The following CACNA1C variants were observed in gnomAD, a reference collection of about 807,000 sequenced individuals.
CACNA1C encodes the protein voltage-dependent L-type calcium channel subunit alpha-1C.
In CACNA1C, 30 loss-of-function variants were observed where a neutral mutation model predicts 229.0. That is an observed-to-expected ratio of 0.13 (90% CI 0.10 to 0.18). The LOEUF (loss-of-function observed/expected upper bound fraction) is 0.18. Among genes scored for constraint, CACNA1C ranks in the 10% least tolerant of loss-of-function variants. CACNA1C has a pLI of 1.00. For missense variants in CACNA1C, 1,658 were observed against 2,845.0 expected (o/e 0.58, Z 9.49); for synonymous variants, 1,114 against 1,132.5 (o/e 0.98, Z 0.33).
rs1463536947 is a variant in CACNA1C at position 2,053,272 on chromosome 12, C to T, written c.-291C>T. 2.7e-6 allele frequency: 3 copies of T among 1,114,570 alleles called. No homozygotes were observed. In the African/African-American group the frequency reaches 4.9e-5, roughly 18 times the overall value. 69.0% of individuals were successfully genotyped at this position (1,114,570 alleles called of 1,614,324 possible). A position where few individuals can be genotyped will look rare whatever the true frequency, so the allele number is the denominator to read the frequency against. On this transcript the variant is annotated 5_prime_UTR_variant, in exon 1 of 47. Coordinates refer to ENST00000399655, the MANE Select transcript of CACNA1C (RefSeq NM_000719.7). The surrounding 1 kb of genome is among the most constrained non-coding windows in gnomAD (Gnocchi z 5.8). ...GATTTATTTTTTCAAATGGTGTAGC[C>T]GCCGGAGGTGCGGTGCTCAGTTCTT...
chr12:2,690,071 G>A (rs528676966), intron 46 of CACNA1C: 3 of 152,288 alleles, frequency 2.0e-5, no homozygotes, highest in Admixed American at 1.3e-4. Flanking sequence ...GAAGCTTAAG[G>A]GTCACCTGCT....
chr12:2,044,718 A>C (rs77951780), intron 1 of CACNA1C, among the ~76,000 whole-genome samples: 1 of 152,192 alleles, frequency 6.6e-6, no homozygotes, highest in Non-Finnish European at 1.5e-5. Flanking sequence ...TCATCTTTAA[A>C]AAAGAGGTTT....
At chr12:2,068,471 G>A (rs113403399) in intron 1 of CACNA1C, among the ~76,000 whole-genome samples, 2,322 of 152,284 alleles carry the variant, frequency 0.015, 67 homozygotes, top group African/African-American at 0.053. Context: ...TCTCTGCAGC[G>A]GCCAGAGCCC....
intron 1 of CACNA1C, among the ~76,000 whole-genome samples, chr12:2,065,285 T>C (rs2058919735): frequency 6.6e-6 from 1 of 152,236 alleles, no homozygotes; most frequent in Non-Finnish European, 1.5e-5. Flanking sequence ...GGCAAAAATT[T>C]TGACCTATGC....
intron 1 of CACNA1C, among the ~76,000 whole-genome samples, chr12:2,093,928 A>T (rs938749568): frequency 6.6e-6 from 1 of 152,222 alleles, no homozygotes; most frequent in African/African-American, 2.4e-5. Context: ...CTTCAGCAGC[A>T]TACTGAGTGC....
At chr12:2,037,486 G>T (rs1468526691) in intron 1 of CACNA1C, among the ~76,000 whole-genome samples, 1 of 152,212 alleles carries the variant, frequency 6.6e-6, no homozygotes, top group East Asian at 1.9e-4. Flanking sequence ...TTGTTAAAAG[G>T]CATTGGGTAC....
Position 2,486,207 on chromosome 12 carries a change from G to A in CACNA1C, c.861G>A (p.Leu287=), listed in dbSNP as rs1219725769. The change falls in exon 6 of 47, where the codon TTG becomes TTA. Residue 287 remains leucine, a synonymous_variant. Coordinates refer to ENST00000399655, the MANE Select transcript of CACNA1C (RefSeq NM_000719.7). This position sits in a 1 kb window ranked among gnomAD's most constrained non-coding sequence, Gnocchi z 4.9. The part of the protein sequence containing the change: ...FVIIIYAIIG[L]ELFMGKMHKT... Reference sequence around the variant, plus strand: ...TCATCATCTACGCCATCATCGGCTTGGAGCTCTTCATGGGGAAGATGCACA... The same window carrying A: ...TCATCATCTACGCCATCATCGGCTTAGAGCTCTTCATGGGGAAGATGCACA... 6.2e-7 allele frequency: 1 copy of A among 1,613,688 alleles called. No homozygotes were observed. The highest frequency in any genetic ancestry group is 1.7e-4 in the Middle Eastern group (1 of 6,060).
chr12:2,249,470 C>A (rs553841875), intron 3 of CACNA1C, among the ~76,000 whole-genome samples: 1 of 152,128 alleles, frequency 6.6e-6, no homozygotes, highest in African/African-American at 2.4e-5. Flanking sequence ...ACTACCTGAC[C>A]CTTTACAGAA....
intron 3 of CACNA1C, among the ~76,000 whole-genome samples, chr12:2,274,049 A>G (rs962479201): frequency 6.6e-6 from 1 of 152,170 alleles, no homozygotes; most frequent in Non-Finnish European, 1.5e-5. Context: ...CTCAGTGTTA[A>G]AAGGTGGCCC....
chr12:2,207,589 C>G (rs1336903651), intron 3 of CACNA1C, among the ~76,000 whole-genome samples: 5 of 152,052 alleles, frequency 3.3e-5, no homozygotes, highest in Admixed American at 3.3e-4. Context: ...GTGGGAGGCT[C>G]ACTTGAGCTC....
intron 10 of CACNA1C, among the ~76,000 whole-genome samples, chr12:2,554,264 TG>T (rs2042871614): frequency 6.6e-6 from 1 of 152,166 alleles, no homozygotes; most frequent in Admixed American, 6.5e-5. Context: ...CCAGAAGGTT[TG>T]TCTTGGAGTC....
intron 3 of CACNA1C, among the ~76,000 whole-genome samples, chr12:2,298,922 G>A (rs2154471265): frequency 6.6e-6 from 1 of 152,332 alleles, no homozygotes; most frequent in Admixed American, 6.5e-5. Flanking sequence ...CACTGTTGTG[G>A]CTCCCACCTC....
At chr12:2,283,473 C>T (rs1411369659) in intron 3 of CACNA1C, among the ~76,000 whole-genome samples, 1 of 152,146 alleles carries the variant, frequency 6.6e-6, no homozygotes, top group African/African-American at 2.4e-5. Flanking sequence ...ACTCTATATC[C>T]ACACTCAGCC....
In CACNA1C at chr12:2,595,750, C is replaced by G. The variant is rs1266403696; in HGVS notation, c.2664-124C>G. On this transcript the variant is annotated intron_variant, in intron 19 of 46. Transcript: ENST00000399655. This position sits in a 1 kb window ranked among gnomAD's most constrained non-coding sequence, Gnocchi z 4.1. ...AGACTTCAGAATGAAGAGGTCACTT[C>G]AGGCCAACAAGCACCTGTTGCCAGC... The G allele has an allele frequency of 1.1e-5, 9 of 821,102 alleles. No individual in the cohort carries two copies. Among genetic ancestry groups the G allele is most frequent in the Non-Finnish European group, 1.7e-5 (9 of 522,656 alleles). The allele number at this position is 821,102 out of a possible 1,614,324, so 50.9% of individuals were successfully genotyped here.
chr12:2,475,952 T>C (rs2154568734), intron 5 of CACNA1C, among the ~76,000 whole-genome samples: 1 of 152,354 alleles, frequency 6.6e-6, no homozygotes, highest in East Asian at 1.9e-4. Flanking sequence ...AATCATACAT[T>C]GTAACATCCC....
intron 3 of CACNA1C, among the ~76,000 whole-genome samples, chr12:2,124,349 C>T (rs1461534259): frequency 1.3e-5 from 2 of 152,102 alleles, no homozygotes; most frequent in East Asian, 3.9e-4. Flanking sequence ...TTGCGTCTCT[C>T]AAGAAGAGGA....
At chr12:2,210,815 A>T (rs1443012529) in intron 3 of CACNA1C, among the ~76,000 whole-genome samples, 3 of 152,142 alleles carry the variant, frequency 2.0e-5, no homozygotes, top group Admixed American at 2.0e-4. Flanking sequence ...ACATTTCTGG[A>T]GGCTGTATTT....
chr12:2,632,082 C>T lies in CACNA1C; in HGVS notation c.3829-2215C>T, dbSNP rs570498052. The stretch of plus-strand genomic sequence containing the variant: ...GAGGACGCTTCATGCTTTCATACCC[C>T]ACTCCGACCTCAGAATTCCACCTCC... On this transcript the variant is annotated intron_variant, in intron 29 of 46. Transcript: ENST00000399655. The surrounding 1 kb of genome is among the most constrained non-coding windows in gnomAD (Gnocchi z 4.1). 6.6e-6 allele frequency among the ~76,000 whole-genome samples: 1 copy of T among 152,098 alleles called. No individual in the cohort carries two copies. The highest frequency in any genetic ancestry group is 1.5e-5 in the Non-Finnish European group (1 of 67,982).
intron 9 of CACNA1C, among the ~76,000 whole-genome samples, chr12:2,547,788 C>A (rs1234477916): frequency 8.5e-5 from 13 of 152,204 alleles, no homozygotes; most frequent in Non-Finnish European, 4.4e-5. Flanking sequence ...AGCTCTTCCT[C>A]TGGGCAGTGC....
Sources: gnomAD v4.1 joint callset for allele counts (sites outside exome capture counted in the v4.1 genomes callset) on GRCh38, gnomAD v4.1.1 for gene constraint, Gnocchi (gnomAD v3.1) non-coding constraint, MANE v1.5 for transcripts, NCBI Gene and HGNC (gene_info 2026-07-23, HGNC 2026-07-21) for gene names.